Variants in DHRS7B observed in about 807,000 individuals in gnomAD.
The protein encoded by DHRS7B is dehydrogenase/reductase 7B, also known as peroxisomal reductase activating PPAR-gamma.
A neutral mutation model predicts 26.4 loss-of-function variants in DHRS7B; 24 were observed. That is an observed-to-expected ratio of 0.91 (90% confidence interval 0.66 to 1.28). DHRS7B has a LOEUF of 1.28. Among genes scored for constraint, DHRS7B ranks in the 50% most tolerant of loss-of-function variants. The pLI, the probability that DHRS7B is intolerant of heterozygous loss-of-function variation, is 0.00. For synonymous variants in DHRS7B, 142 were observed against 166.4 expected (o/e 0.85, Z 1.13); for missense variants, 368 against 419.4 (o/e 0.88, Z 1.07).
intron 1 of DHRS7B, among the ~76,000 whole-genome samples, chr17:21,156,625 AAAAT>A (rs1027662318): frequency 1.9e-4 from 29 of 151,382 alleles, no homozygotes; most frequent in Non-Finnish European, 3.4e-4. Context: ...TATAATAAAA[AAAAT>A]AAGCCGGGCG....
intron 1 of DHRS7B, among the ~76,000 whole-genome samples, chr17:21,161,825 A>G (rs1319666948): frequency 1.3e-5 from 2 of 152,174 alleles, no homozygotes; most frequent in Non-Finnish European, 2.9e-5. Context: ...GGAGTGGCAC[A>G]GCCTTCTCAG....
chr17:21,132,556 A>AAC (rs1973262569), intron 1 of DHRS7B, among the ~76,000 whole-genome samples: 2 of 150,564 alleles, frequency 1.3e-5, no homozygotes, highest in African/African-American at 4.9e-5. Context: ...AAAACAAAAA[A>AAC]AAAACAGGGA....
At chr17:21,172,333 G>A (rs1974275867) in intron 2 of DHRS7B, 137 bp downstream of exon 2, 1 of 1,076,050 alleles carries the variant, frequency 9.3e-7, no homozygotes, top group Non-Finnish European at 1.4e-6. Flanking sequence ...TGGGCCGGAT[G>A]GCACTGTCCT....
chr17:21,186,424 A>G (rs1974636553), intron 5 of DHRS7B, among the ~76,000 whole-genome samples: 1 of 152,200 alleles, frequency 6.6e-6, no homozygotes, highest in Non-Finnish European at 1.5e-5. Context: ...CCTGTCCCCA[A>G]GCCTGGGCTG....
At chr17:21,164,030 C>CTTTTGTTTTTTTTTTTTTTTTTTTTTTTT (rs1974055395) in intron 1 of DHRS7B, among the ~76,000 whole-genome samples, 1 of 96,976 alleles carries the variant, frequency 1.0e-5, no homozygotes, top group African/African-American at 5.1e-5. Context: ...AATTGTTGTG[C>CTTTTGTTTTTTTTTTTTTTTTTTTTTTTT]TTTTTTTTTT....
At chr17:21,167,737 A>G (rs1597747862) in intron 1 of DHRS7B, among the ~76,000 whole-genome samples, 1 of 152,172 alleles carries the variant, frequency 6.6e-6, no homozygotes, top group Non-Finnish European at 1.5e-5. Flanking sequence ...CGTGAGCCAG[A>G]TATTTTTTCC....
intron 1 of DHRS7B, chr17:21,168,788 G>A (rs1974170885): frequency 3.0e-6 from 3 of 985,474 alleles, no homozygotes; most frequent in Non-Finnish European, 3.6e-6. Flanking sequence ...CCATTCACCC[G>A]GCGCCATGTT....
At chr17:21,179,936 T>G (rs1344809813) in intron 3 of DHRS7B, among the ~76,000 whole-genome samples, 1 of 151,310 alleles carries the variant, frequency 6.6e-6, no homozygotes, top group Admixed American at 6.6e-5. Context: ...CCGGCTAATT[T>G]TGTATTTTTA....
At chr17:21,153,847 A>G (rs1973824585) in intron 1 of DHRS7B, among the ~76,000 whole-genome samples, 1 of 152,190 alleles carries the variant, frequency 6.6e-6, no homozygotes, top group Non-Finnish European at 1.5e-5. Context: ...ATACAGTTTC[A>G]ACATGAATTT....
At position 21,182,975 on chromosome 17, in the gene DHRS7B, T is replaced by A. The variant is rs1317009859; in HGVS notation, c.310-619T>A. Among the ~76,000 whole-genome samples, 7 of 152,320 alleles carry A rather than the reference T, an allele frequency of 4.6e-5. No homozygotes were observed. In the East Asian group the frequency reaches 1.3e-3, roughly 29 times the overall value. ...AGGAAGGACTGGTGTTAATTCTCCT[T>A]TAAATGTTTGGCAGAATTCACCAGT... On this transcript the variant is annotated intron_variant, in intron 3 of 6. Coordinates refer to ENST00000395511, the MANE Select transcript of DHRS7B (RefSeq NM_015510.5).
chr17:21,166,679 C>T lies in DHRS7B; in HGVS notation c.21-5339C>T, dbSNP rs560437399. 2.6e-5 allele frequency among the ~76,000 whole-genome samples: 4 copies of T among 152,184 alleles called. No individual in the cohort carries two copies. In the South Asian group the frequency reaches 6.2e-4, roughly 24 times the overall value. ...AATAGAGCAGCTGATTAGAACTGGC[C>T]ATTGGTTATAAAATAAAAGAGTACG... On this transcript the variant is annotated intron_variant, in intron 1 of 6. Coordinates refer to ENST00000395511, the MANE Select transcript of DHRS7B (RefSeq NM_015510.5).
At chr17:21,164,470 GT>G (rs544682307) in intron 1 of DHRS7B, among the ~76,000 whole-genome samples, 40 of 152,322 alleles carry the variant, frequency 2.6e-4, no homozygotes, top group African/African-American at 8.4e-4. Context: ...CATCTTGTCT[GT>G]CTTGTTGCTG....
rs1437233678 is a variant in DHRS7B, at chr17:21,159,813, G to A, written c.21-12205G>A. 4.9e-5 allele frequency among the ~76,000 whole-genome samples: 7 copies of A among 141,416 alleles called. No homozygotes were observed. The South Asian group carries it at 6.7e-4, about 14-fold the overall frequency. 92.8% of individuals were successfully genotyped at this position (141,416 alleles called of 152,430 possible). ...CCCTTGAGACCAGGAAGTTGAGGTG[G>A]CAGTGAGCCACTGCATTCCAGCCTG... On this transcript the variant is annotated intron_variant, in intron 1 of 6. Transcript: ENST00000395511.
At chr17:21,175,714 G>A (rs1188752083) in intron 2 of DHRS7B, among the ~76,000 whole-genome samples, 4 of 152,096 alleles carry the variant, frequency 2.6e-5, no homozygotes, top group Non-Finnish European at 5.9e-5. Context: ...CAGGCAGGAG[G>A]ATCGCTTGAG....
intron 4 of DHRS7B, 60 bp from the exon 5 acceptor site, chr17:21,184,311 A>T: frequency 6.8e-7 from 1 of 1,460,370 alleles, no homozygotes; most frequent in Non-Finnish European, 9.4e-7. Context: ...GCCTTCCATC[A>T]GCATCGGGTG....
chr17:21,177,134 C>A (rs1410895029), intron 2 of DHRS7B, among the ~76,000 whole-genome samples: 2 of 151,660 alleles, frequency 1.3e-5, no homozygotes, highest in African/African-American at 4.8e-5. Flanking sequence ...CTTGCTGGGC[C>A]CCCCACTCAA....
intron 5 of DHRS7B, among the ~76,000 whole-genome samples, chr17:21,185,210 C>T (rs962842492): frequency 2.0e-5 from 3 of 152,194 alleles, no homozygotes; most frequent in Admixed American, 6.5e-5. Context: ...GCATCATCTC[C>T]CGAAAGGAAA....
At chr17:21,155,087 G>A (rs998827677) in intron 1 of DHRS7B, among the ~76,000 whole-genome samples, 6 of 152,020 alleles carry the variant, frequency 3.9e-5, no homozygotes, top group South Asian at 2.1e-4. Flanking sequence ...AAAGAACAAG[G>A]GTAACAAATG....
chr17:21,187,177 G>T (rs1974656282), intron 5 of DHRS7B, among the ~76,000 whole-genome samples: 1 of 150,998 alleles, frequency 6.6e-6, no homozygotes, highest in Admixed American at 6.6e-5. Flanking sequence ...AAATCACTGG[G>T]CATGGCTGCT....
Sources: gnomAD v4.1 joint callset for allele counts (sites outside exome capture counted in the v4.1 genomes callset) on GRCh38, gnomAD v4.1.1 for gene constraint, MANE v1.5 for transcripts, NCBI Gene and HGNC (gene_info 2026-07-23, HGNC 2026-07-21) for gene names.